SPARCL1: variants seen among roughly 807,000 people sequenced by gnomAD.
SPARCL1 encodes SPARC like 1.
Under a neutral mutation model 67.1 loss-of-function variants are expected in SPARCL1, and 52 were observed. The ratio of observed to expected loss-of-function variants is 0.78; its 90% CI spans 0.62 to 0.98. SPARCL1 has a LOEUF of 0.98. Among genes scored for constraint, SPARCL1 ranks in the 50% least tolerant of loss-of-function variants. SPARCL1 has a pLI of 0.00. For missense variants in SPARCL1, 717 were observed against 782.4 expected (o/e 0.92, Z 1.00); for synonymous variants, 226 against 267.8 (o/e 0.84, Z 1.52).
intron 1 of SPARCL1, among the ~76,000 whole-genome samples, chr4:87,526,719 G>T (rs1218667091): frequency 1.3e-5 from 2 of 152,166 alleles, no homozygotes; most frequent in African/African-American, 4.8e-5. Flanking sequence ...AGAGCAAAAC[G>T]TATAAGTACA....
rs1221234641 is a variant in SPARCL1, at chr4:87,523,159, G to A, written c.-12+5886C>T. Among the ~76,000 whole-genome samples, 2 of 151,986 alleles carry A rather than the reference G, an allele frequency of 1.3e-5. 1 individual carries two copies. Among genetic ancestry groups the A allele is most frequent in the African/African-American group, 4.8e-5 (2 of 41,378 alleles). Reference sequence around the variant, plus strand: ...ACCTGTAATCCTAGCCACTCAGGAGGCTGAGGCAGAAGAATTGCTCCAGCC... The same window carrying A: ...ACCTGTAATCCTAGCCACTCAGGAGACTGAGGCAGAAGAATTGCTCCAGCC... On this transcript the variant is annotated intron_variant, in intron 1 of 10. Transcript: ENST00000282470.
intron 1 of SPARCL1, among the ~76,000 whole-genome samples, chr4:87,499,874 AG>A (rs1263073538): frequency 2.0e-5 from 3 of 147,792 alleles, no homozygotes; most frequent in Non-Finnish European, 4.5e-5. Context: ...TCAGGTCTTA[AG>A]ATTCATGAGT....
At position 87,499,581 on chromosome 4, in the gene SPARCL1, C is replaced by T. The variant is rs1724764681; in HGVS notation, c.-7G>A. The T allele has an allele frequency of 2.5e-6, 4 of 1,585,164 alleles. No individual in the cohort carries two copies. The highest frequency in any genetic ancestry group is 2.0e-5 in the Admixed American group (1 of 50,180). The stretch of plus-strand genomic sequence containing the variant: ...AAAAAAGCCCAGTCTTCATGCTTTC[C>T]AGATCTGTGAACCAAGAAGATAATT... On this transcript the variant is annotated 5_prime_UTR_variant, in exon 2 of 11. Transcript: ENST00000282470.
At chr4:87,477,960 G>A (rs1578092062) in intron 10 of SPARCL1, among the ~76,000 whole-genome samples, 1 of 152,180 alleles carries the variant, frequency 6.6e-6, no homozygotes, top group East Asian at 1.9e-4. Flanking sequence ...GAAAAGGACT[G>A]ACCCTCTCTG....
At chr4:87,506,730 G>T (rs1725088898) in intron 1 of SPARCL1, among the ~76,000 whole-genome samples, 1 of 152,012 alleles carries the variant, frequency 6.6e-6, no homozygotes, top group Non-Finnish European at 1.5e-5. Context: ...TCTTGGGACT[G>T]GCTCCATTAA....
intron 3 of SPARCL1, 38 bp downstream of exon 3, chr4:87,494,943 T>G: frequency 6.5e-7 from 1 of 1,535,178 alleles, no homozygotes; most frequent in South Asian, 1.2e-5. Flanking sequence ...CTTTGGAGAA[T>G]TAAAAAATTG....
intron 8 of SPARCL1, among the ~76,000 whole-genome samples, chr4:87,481,003 C>A (rs1300609496): frequency 6.6e-6 from 1 of 152,056 alleles, no homozygotes; most frequent in Non-Finnish European, 1.5e-5. Flanking sequence ...CTTGGCCAGC[C>A]CCATTGAAAT....
intron 2 of SPARCL1, among the ~76,000 whole-genome samples, chr4:87,496,164 C>G (rs115215008): frequency 6.6e-6 from 1 of 152,124 alleles, no homozygotes; most frequent in South Asian, 2.1e-4. Context: ...TACTTTCTAT[C>G]TGTGGTTTGA....
At chr4:87,496,198 A>G (rs10026753) in intron 2 of SPARCL1, among the ~76,000 whole-genome samples, 27,089 of 152,022 alleles carry the variant, frequency 0.18, 3,049 homozygotes, top group Admixed American at 0.25. Flanking sequence ...TTTTTTATTA[A>G]TTAAAAAACA....
At chr4:87,497,209 T>C in intron 2 of SPARCL1, 6 of 985,338 alleles carry the variant, frequency 6.1e-6, no homozygotes, top group Non-Finnish European at 4.8e-6. Flanking sequence ...TTAGGTTTGG[T>C]TTGCTCCTTT....
In SPARCL1 at chr4:87,482,494, T is replaced by C. The variant is rs1349208757; in HGVS notation, c.1598A>G (p.Asn533Ser). The change falls in exon 8 of 11, where the codon AAT becomes AGT. Residue 533 changes from asparagine (N) to serine (S), a missense_variant. Physicochemically the swap from Asn to Ser is conservative, Grantham distance 46 (BLOSUM62 1). Transcript: ENST00000282470. ...FPLRMRDWLK[N>S]ILMQLYEANS... is the part of the protein sequence containing the mutation. ...GGCTTCATAAAGCTGCATGAGGATATTCTTGAGCCAGTCTCTCATCCGTAG... is the reference window on the plus strand; with the variant it reads ...GGCTTCATAAAGCTGCATGAGGATACTCTTGAGCCAGTCTCTCATCCGTAG... 1 of 1,614,082 alleles carries C rather than the reference T, an allele frequency of 6.2e-7. No homozygotes were observed. The highest frequency in any genetic ancestry group is 8.5e-7 in the Non-Finnish European group (1 of 1,179,950).
chr4:87,498,147 A>C (rs1277832345), intron 2 of SPARCL1, among the ~76,000 whole-genome samples: 2 of 151,978 alleles, frequency 1.3e-5, no homozygotes, highest in Non-Finnish European at 2.9e-5. Flanking sequence ...TTTTGTGGGA[A>C]CTCCTTTCAG....
rs368949186 is a variant in SPARCL1 at position 87,479,426 on chromosome 4, T to C, written c.1966+4A>G. The C allele has an allele frequency of 4.3e-6, 7 of 1,612,540 alleles. No individual in the cohort carries two copies. In the African/African-American group the frequency reaches 6.7e-5, roughly 15 times the overall value. On this transcript the variant is annotated splice_donor_region_variant and intron_variant, in intron 10 of 10. Coordinates refer to ENST00000282470, the MANE Select transcript of SPARCL1 (RefSeq NM_004684.6). Reference sequence around the variant, plus strand: ...CCCTCTTCTTTGGCTGGTGATGAATTTACCTTCTTTAATTCCAAAGCAGTG... The same window carrying C: ...CCCTCTTCTTTGGCTGGTGATGAATCTACCTTCTTTAATTCCAAAGCAGTG...
chr4:87,480,645 G>T, intron 8 of SPARCL1, 125 bp from the exon 9 acceptor site: 1 of 796,066 alleles, frequency 1.3e-6, no homozygotes, highest in Non-Finnish European at 1.9e-6. Context: ...AGGACATCAT[G>T]TGCAACTAAA....
At chr4:87,492,831 T>C (rs966981356) in intron 4 of SPARCL1, among the ~76,000 whole-genome samples, 1 of 152,158 alleles carries the variant, frequency 6.6e-6, no homozygotes, top group Non-Finnish European at 1.5e-5. Context: ...GCTCCAAATA[T>C]GCTTCCTCCC....
intron 10 of SPARCL1, among the ~76,000 whole-genome samples, chr4:87,474,773 C>T (rs1410306691): frequency 2.3e-5 from 3 of 132,118 alleles, no homozygotes; most frequent in South Asian, 2.3e-4. Context: ...GACGGAGTCT[C>T]GCTCTTTCAC....
At chr4:87,486,971 T>G (rs919897723) in intron 7 of SPARCL1, among the ~76,000 whole-genome samples, 15 of 145,380 alleles carry the variant, frequency 1.0e-4, no homozygotes, top group Admixed American at 9.9e-4. Context: ...CCCTTTATTT[T>G]GAGCCTATGT....
At chr4:87,522,405 C>T (rs992978321) in intron 1 of SPARCL1, among the ~76,000 whole-genome samples, 8 of 151,730 alleles carry the variant, frequency 5.3e-5, no homozygotes, top group African/African-American at 9.7e-5. Flanking sequence ...TCCATCCAGA[C>T]GTTAAAAGTA....
chr4:87,512,898 C>A (rs559515378), intron 1 of SPARCL1, among the ~76,000 whole-genome samples: 1 of 152,226 alleles, frequency 6.6e-6, no homozygotes, highest in East Asian at 1.9e-4. Context: ...ACTTAATTTG[C>A]GTAAATAAGC....
Sources: allele counts gnomAD v4.1 joint callset (sites outside exome capture counted in the v4.1 genomes callset), GRCh38; gene constraint gnomAD v4.1.1; transcripts MANE v1.5; gene names NCBI Gene and HGNC (gene_info 2026-07-23, HGNC 2026-07-21).